OSTM1: variants seen among roughly 807,000 people sequenced by gnomAD.
OSTM1 encodes the protein osteoclastogenesis associated transmembrane protein 1, also known as osteopetrosis-associated transmembrane protein 1.
OSTM1 carries 26 observed loss-of-function variants against 35.4 expected under a neutral mutation model. The observed-to-expected ratio is 0.73, with a 90% CI of 0.54 to 1.02. The LOEUF is 1.02. Ranked by LOEUF, OSTM1 falls within the 50% of genes least tolerant of loss-of-function variation. The pLI is 0.00. For synonymous variants in OSTM1, 181 were observed against 165.0 expected (o/e 1.10, Z -0.75); for missense variants, 366 against 409.6 (o/e 0.89, Z 0.92).
chr6:108,055,319 C>CT (rs111413418), intron 2 of OSTM1, among the ~76,000 whole-genome samples: 34,950 of 148,182 alleles, frequency 0.24, 4,077 homozygotes, highest in Admixed American at 0.26. Flanking sequence ...ATCTATTCTT[C>CT]TTTTTTTTTT....
chr6:108,064,962 G>A (rs750067491), intron 1 of OSTM1, among the ~76,000 whole-genome samples: 6 of 152,148 alleles, frequency 3.9e-5, no homozygotes, highest in African/African-American at 7.2e-5. Flanking sequence ...AAATCCAAGC[G>A]ATTCTCATGC....
At chr6:108,047,695 G>C (rs950927578) in intron 5 of OSTM1, among the ~76,000 whole-genome samples, 1 of 152,068 alleles carries the variant, frequency 6.6e-6, no homozygotes, top group African/African-American at 2.4e-5. Flanking sequence ...CAGCATACTT[G>C]CTAATGAATT....
At position 108,044,606 on chromosome 6, in the gene OSTM1, T is replaced by C. The variant is rs1192271025; in HGVS notation, c.*179A>G. ...CCTGGAAATTAAAAATATCCAAATC[T>C]GTTAGAAAGAAGTGGAAAAGGAAAG... On this transcript the variant is annotated 3_prime_UTR_variant, in exon 6 of 6. Coordinates refer to ENST00000193322, the MANE Select transcript of OSTM1 (RefSeq NM_014028.4). 8.2e-6 allele frequency: 4 copies of C among 489,138 alleles called. No individual in the cohort carries two copies. Among genetic ancestry groups the C allele is most frequent in the Non-Finnish European group, 1.5e-5 (4 of 274,130 alleles). 30.3% of individuals were successfully genotyped at this position (489,138 alleles called of 1,614,324 possible). A position where few individuals can be genotyped will look rare whatever the true frequency, so the allele number is the denominator to read the frequency against.
chr6:108,066,540 T>C (rs1365549502), intron 1 of OSTM1, among the ~76,000 whole-genome samples: 1 of 152,170 alleles, frequency 6.6e-6, no homozygotes, highest in Non-Finnish European at 1.5e-5. Context: ...GTTATTTGTG[T>C]CAAATCCTGC....
chr6:108,043,972 T>C lies in OSTM1; in HGVS notation c.*813A>G, dbSNP rs559169975. ...TGACAATTTAAATACAGTGTGATAA[T>C]GCTACATTTGATTTAAAGTAGTAAT... On this transcript the variant is annotated 3_prime_UTR_variant, in exon 6 of 6. Coordinates refer to ENST00000193322, the MANE Select transcript of OSTM1 (RefSeq NM_014028.4). The C allele has an allele frequency of 7.4e-4, 113 of 152,754 alleles. 1 individual carries two copies. Among genetic ancestry groups the C allele is most frequent in the African/African-American group, 2.7e-3 (111 of 41,576 alleles). 9.5% of individuals were successfully genotyped at this position (152,754 alleles called of 1,614,324 possible).
intron 4 of OSTM1, 35 bp from the exon 5 acceptor site, chr6:108,049,453 T>C: frequency 6.2e-7 from 1 of 1,606,848 alleles, no homozygotes; most frequent in Non-Finnish European, 8.5e-7. Flanking sequence ...TTCTATTTTA[T>C]ATTTAACTTG....
intron 1 of OSTM1, among the ~76,000 whole-genome samples, chr6:108,071,460 A>ATTTTTTTTTTTTTTTTTTTTT (rs545759140): frequency 1.9e-5 from 2 of 103,420 alleles, no homozygotes; most frequent in Non-Finnish European, 1.8e-5. Flanking sequence ...CACCCGGCTA[A>ATTTTTTTTTTTTTTTTTTTTT]TTTTTTTTTT....
chr6:108,071,354 GGA>G (rs1772480426), intron 1 of OSTM1, among the ~76,000 whole-genome samples: 1 of 151,088 alleles, frequency 6.6e-6, no homozygotes, highest in Admixed American at 6.6e-5. Flanking sequence ...CCCCCAGGTT[GGA>G]GAGTGGTGGC....
intron 1 of OSTM1, among the ~76,000 whole-genome samples, chr6:108,073,343 C>G (rs1772519568): frequency 1.3e-5 from 2 of 152,136 alleles, no homozygotes; most frequent in Non-Finnish European, 2.9e-5. Context: ...CGGCCCACAC[C>G]TCGTGACTCC....
At chr6:108,064,867 G>A (rs1448072973) in intron 1 of OSTM1, among the ~76,000 whole-genome samples, 2 of 152,174 alleles carry the variant, frequency 1.3e-5, no homozygotes, top group Non-Finnish European at 1.5e-5. Context: ...TAACTCCTGG[G>A]AAACAAATGG....
chr6:108,066,865 A>T (rs958225611), intron 1 of OSTM1, among the ~76,000 whole-genome samples: 1 of 152,132 alleles, frequency 6.6e-6, no homozygotes, highest in South Asian at 2.1e-4. Context: ...TAAAATGGAA[A>T]CTGTCACATC....
intron 1 of OSTM1, among the ~76,000 whole-genome samples, chr6:108,065,463 C>A (rs1306128924): frequency 1.3e-5 from 2 of 151,736 alleles, no homozygotes; most frequent in African/African-American, 4.8e-5. Flanking sequence ...GTCTCGAACT[C>A]CTGACCTCAG....
Position 108,074,574 on chromosome 6 carries a change from C to A in OSTM1, c.78G>T (p.Ser26=). 6.4e-7 allele frequency: 1 copy of A among 1,565,182 alleles called. No homozygotes were observed. The highest frequency in any genetic ancestry group is 8.6e-7 in the Non-Finnish European group (1 of 1,159,004). The change falls in exon 1 of 6, where the codon TCG becomes TCT. Residue 26 remains serine (S), a synonymous_variant. Coordinates refer to ENST00000193322, the MANE Select transcript of OSTM1 (RefSeq NM_014028.4). ...AGGGGAGCGCGCCCAGGGCCAGCCC[C>A]GACCACAGCAGCAGCCCCAGCGGCA... ...PWLPLGLLLW[S]GLALGALPFG... is the part of the protein sequence containing the mutation.
intron 3 of OSTM1, among the ~76,000 whole-genome samples, chr6:108,051,636 C>T (rs1336490622): frequency 1.3e-5 from 2 of 152,152 alleles, no homozygotes; most frequent in African/African-American, 2.4e-5. Context: ...CCTGCCTATG[C>T]TGACTTGAAC....
At position 108,054,663 on chromosome 6, in the gene OSTM1, T is replaced by A. The variant is rs376607705; in HGVS notation, c.518-76A>T. The stretch of plus-strand genomic sequence containing the variant: ...ATGTTGTCATTTATATCTTAAGCTA[T>A]CAGCTTCGTTTCACACTACAGTAAT... On this transcript the variant is annotated intron_variant, in intron 2 of 5. Transcript: ENST00000193322. 5.3e-4 allele frequency: 375 copies of A among 712,550 alleles called. 4 individuals carry two copies. In the East Asian group the frequency reaches 8.4e-3, roughly 16 times the overall value. The allele number at this position is 712,550 out of a possible 1,614,324, so 44.1% of individuals were successfully genotyped here.
intron 1 of OSTM1, among the ~76,000 whole-genome samples, chr6:108,066,819 A>G (rs1235904466): frequency 1.3e-5 from 2 of 152,206 alleles, no homozygotes; most frequent in East Asian, 1.9e-4. Flanking sequence ...ATCCACCTAT[A>G]TATGTTTAGG....
At chr6:108,066,374 C>CTTAAT (rs112478162) in intron 1 of OSTM1, among the ~76,000 whole-genome samples, 1 of 151,772 alleles carries the variant, frequency 6.6e-6, no homozygotes, top group African/African-American at 2.4e-5. Flanking sequence ...AATGTTCCAA[C>CTTAAT]TTCCTTATTT....
chr6:108,074,481 G>C lies in OSTM1; in HGVS notation c.171C>G (p.Asp57Glu), dbSNP rs764243951. Residue 57 changes from aspartate (D) to glutamate (E), a missense_variant, in exon 1 of 6, where the codon GAC (aspartate) becomes GAG (glutamate). By Grantham distance (45) the Asp-to-Glu change is conservative (BLOSUM62 2). This residue lies in a region of OSTM1 where 236 missense variants were observed against 239.3 expected (regional missense o/e 0.99). Transcript: ENST00000193322. Reference protein sequence around the residue: ...LSEQQLLEVEDLSLSLLQGGG... With the variant: ...LSEQQLLEVEELSLSLLQGGG... ...CACCCTGCAGGAGGGACAGGGACAA[G>C]TCCTCCACCTCCAGCAACTGCTGCT... 3 of 1,557,990 alleles carry C rather than the reference G, an allele frequency of 1.9e-6. No homozygotes were observed. Among genetic ancestry groups the C allele is most frequent in the South Asian group, 2.4e-5 (2 of 84,828 alleles).
rs1771880649 is a variant in OSTM1, at chr6:108,042,284, A to G, written c.*2501T>C. On this transcript the variant is annotated 3_prime_UTR_variant, in exon 6 of 6. Transcript: ENST00000193322. ...CTGTCTCTACAAAAAAAAAAAAAAA[A>G]AAAATTAATTATAAAAAAAAAAGAA... 6.7e-6 allele frequency: 1 copy of G among 150,310 alleles called. No individual in the cohort carries two copies. The highest frequency in any genetic ancestry group is 1.9e-4 in the East Asian group (1 of 5,190). The allele number at this position is 150,310 out of a possible 1,614,324, so 9.3% of individuals were successfully genotyped here.
Sources: allele counts gnomAD v4.1 joint callset (sites outside exome capture counted in the v4.1 genomes callset), GRCh38; gene constraint gnomAD v4.1.1; regional missense constraint gnomAD v4.1.1; transcripts MANE v1.5; gene names NCBI Gene and HGNC (gene_info 2026-07-23, HGNC 2026-07-21).